GLIS3: variants seen among roughly 807,000 people sequenced by gnomAD.
GLIS3 encodes GLIS family zinc finger 3, also known as zinc finger protein GLIS3.
GLIS3 carries 53 observed loss-of-function variants against 78.6 expected under a neutral mutation model. That is an observed-to-expected ratio of 0.67 (90% CI 0.54 to 0.85). The LOEUF is 0.85. Ranked by LOEUF, GLIS3 falls within the 40% of genes least tolerant of loss-of-function variation. GLIS3 has a pLI of 0.00. For synonymous variants in GLIS3, 684 were observed against 509.9 expected (o/e 1.34, Z -4.60); for missense variants, 1,703 against 1,231.1 (o/e 1.38, Z -5.74).
chr9:4,380,734 A>C, the GLIS3 span, among the ~76,000 whole-genome samples: 1 of 152,244 alleles, frequency 6.6e-6, no homozygotes, highest in African/African-American at 2.4e-5. Context: ...ATATTGTTAA[A>C]ATTTTTAAAT....
chr9:4,395,169 G>T, the GLIS3 span, among the ~76,000 whole-genome samples: 2 of 152,070 alleles, frequency 1.3e-5, no homozygotes, highest in Non-Finnish European at 2.9e-5. Flanking sequence ...TACAAATTGG[G>T]CCCATGAATT....
At chr9:4,079,046 C>G (rs548571899) in intron 4 of GLIS3, among the ~76,000 whole-genome samples, 36 of 152,306 alleles carry the variant, frequency 2.4e-4, no homozygotes, top group Non-Finnish European at 4.6e-4. Context: ...GGTAAAACAG[C>G]TTAATGCAAA....
chr9:4,020,500 T>C (rs550497229), intron 4 of GLIS3, among the ~76,000 whole-genome samples: 16 of 152,298 alleles, frequency 1.1e-4, no homozygotes, highest in African/African-American at 3.4e-4. Context: ...CCAACCCTTT[T>C]GCTTAGTATA....
rs546098298 is a variant in GLIS3 at position 4,294,439 on chromosome 9, G to A, written c.-99+4982C>T. The stretch of plus-strand genomic sequence containing the variant: ...CAGGAGAATCACTTGAACCCAGGAG[G>A]GGGAGGTTGCAGTAAGCCAAGATCA... On this transcript the variant is annotated intron_variant, in intron 1 of 10. Transcript: ENST00000381971. Among the ~76,000 whole-genome samples, 124 of 152,226 alleles carry A rather than the reference G, an allele frequency of 8.1e-4. 1 individual carries two copies. The highest frequency in any genetic ancestry group is 3.4e-3 in the Middle Eastern group (1 of 294).
At chr9:4,426,562 T>C in the GLIS3 span, among the ~76,000 whole-genome samples, 2 of 152,262 alleles carry the variant, frequency 1.3e-5, no homozygotes, top group Non-Finnish European at 2.9e-5. Flanking sequence ...GATTTCTCTA[T>C]AGAGCTTTTC....
At chr9:3,868,280 G>C (rs926436591) in intron 8 of GLIS3, among the ~76,000 whole-genome samples, 4 of 152,198 alleles carry the variant, frequency 2.6e-5, no homozygotes, top group African/African-American at 9.6e-5. Context: ...AGTTTTCTCA[G>C]ATATAATGGA....
chr9:3,848,637 G>A (rs1819214597), intron 9 of GLIS3, among the ~76,000 whole-genome samples: 1 of 152,236 alleles, frequency 6.6e-6, no homozygotes, highest in South Asian at 2.1e-4. Flanking sequence ...ATCACTGTGA[G>A]TAAACAGCCA....
intron 2 of GLIS3, among the ~76,000 whole-genome samples, chr9:4,253,562 G>A (rs924068489): frequency 2.6e-5 from 4 of 152,314 alleles, no homozygotes; most frequent in East Asian, 1.9e-4. Flanking sequence ...GGTGGGATCC[G>A]CTGAGCTAGA....
At chr9:3,843,331 C>A (rs943965334) in intron 9 of GLIS3, among the ~76,000 whole-genome samples, 1 of 152,202 alleles carries the variant, frequency 6.6e-6, no homozygotes, top group Admixed American at 6.5e-5. Flanking sequence ...CTCCGAACCT[C>A]TGCTTCATAG....
intron 5 of GLIS3, among the ~76,000 whole-genome samples, chr9:3,934,609 A>T (rs1825792997): frequency 6.6e-6 from 1 of 152,166 alleles, no homozygotes; most frequent in African/African-American, 2.4e-5. Flanking sequence ...GCGTTTCGCC[A>T]TGTTGGCCAG....
chr9:4,374,647 T>C, the GLIS3 span, among the ~76,000 whole-genome samples: 1 of 152,202 alleles, frequency 6.6e-6, no homozygotes, highest in Non-Finnish European at 1.5e-5. Flanking sequence ...CATCTTGTCT[T>C]CTCCACCAGG....
chr9:4,362,163 G>A, the GLIS3 span, among the ~76,000 whole-genome samples: 1 of 152,262 alleles, frequency 6.6e-6, no homozygotes, highest in Admixed American at 6.5e-5. Flanking sequence ...ACTGGCCATT[G>A]TGTCTCAAAT....
chr9:4,102,541 G>A (rs911737095), intron 4 of GLIS3, among the ~76,000 whole-genome samples: 1 of 152,068 alleles, frequency 6.6e-6, no homozygotes, highest in Admixed American at 6.6e-5. Context: ...AGGTGCTATC[G>A]GCATCTGGTA....
At chr9:3,837,103 T>C (rs1259400015) in intron 9 of GLIS3, among the ~76,000 whole-genome samples, 1 of 152,184 alleles carries the variant, frequency 6.6e-6, no homozygotes, top group Non-Finnish European at 1.5e-5. Context: ...CCAAGTCTCA[T>C]ATGTCACATC....
chr9:3,837,578 T>G (rs1274740757), intron 9 of GLIS3, among the ~76,000 whole-genome samples: 1 of 152,192 alleles, frequency 6.6e-6, no homozygotes, highest in Non-Finnish European at 1.5e-5. Context: ...CAATGGAATA[T>G]TATTCAGCAC....
chr9:4,059,477 T>C (rs998346544), intron 4 of GLIS3, among the ~76,000 whole-genome samples: 4 of 152,160 alleles, frequency 2.6e-5, no homozygotes, highest in East Asian at 1.9e-4. Flanking sequence ...TAACAGGCCA[T>C]TGCCTTGCTT....
chr9:4,070,514 G>A (rs1340385109), intron 4 of GLIS3, among the ~76,000 whole-genome samples: 3 of 151,686 alleles, frequency 2.0e-5, no homozygotes, highest in Admixed American at 2.0e-4. Flanking sequence ...ATTTGTGTGT[G>A]TGTGCGTGTG....
rs1428403431 is a variant in GLIS3, at chr9:3,826,740, T to C, written c.*1532A>G. 1 of 152,194 alleles carries C rather than the reference T, an allele frequency of 6.6e-6. No homozygotes were observed. The highest frequency in any genetic ancestry group is 1.5e-5 in the Non-Finnish European group (1 of 68,034). 9.4% of individuals were successfully genotyped at this position (152,194 alleles called of 1,614,324 possible). ...CAGAATCCCATCTAACATCAAGCTG[T>C]TTTAGTTGTCTTGTTGAAGATTGTA... On this transcript the variant is annotated 3_prime_UTR_variant, in exon 11 of 11. Transcript: ENST00000381971.
chr9:4,181,595 A>C (rs1817328140), intron 2 of GLIS3, among the ~76,000 whole-genome samples: 1 of 152,218 alleles, frequency 6.6e-6, no homozygotes, highest in East Asian at 1.9e-4. Flanking sequence ...AGCTAAAAGT[A>C]CTGTACAGTC....
Sources: gnomAD v4.1 joint callset for allele counts (sites outside exome capture counted in the v4.1 genomes callset) on GRCh38, gnomAD v4.1.1 for gene constraint, MANE v1.5 for transcripts, NCBI Gene and HGNC (gene_info 2026-07-23, HGNC 2026-07-21) for gene names.